TPGS2: variants seen among roughly 807,000 people sequenced by gnomAD.
The protein encoded by TPGS2 is polyglutamylase subunit 2.
In TPGS2, 26 loss-of-function variants were observed where a neutral mutation model predicts 31.1. The observed-to-expected ratio is 0.84, with a 90% CI of 0.61 to 1.16. The LOEUF is 1.16. TPGS2 is among the 50% of genes most tolerant of loss of function. The pLI is 0.00. For missense variants in TPGS2, 351 were observed against 363.8 expected (o/e 0.96, Z 0.29); for synonymous variants, 130 against 136.6 (o/e 0.95, Z 0.34).
At chr18:36,782,011 T>C (rs1175269243), downstream of TPGS2, 29 of 901,132 alleles carry the variant, frequency 3.2e-5, no homozygotes, top group Non-Finnish European at 3.7e-5. Flanking sequence ...GGTTTAATAG[T>C]TTGTGAGAGT....
At chr18:36,783,076 C>T (rs745324935) in exon 7 of TPGS2, 41 of 398,396 alleles carry the variant, frequency 1.0e-4, no homozygotes, top group Non-Finnish European at 1.8e-4. Context: ...TGTTCTTCCT[C>T]TTGGATTATT....
At position 36,796,938 on chromosome 18, in the gene TPGS2, T is replaced by G. The variant is rs755283145; in HGVS notation, c.770A>C (p.Lys257Thr). Residue 257 changes from lysine (K) to threonine (T), a missense_variant, in exon 7 of 7, where the codon AAG becomes ACG. Physicochemically the swap from Lys to Thr is moderately conservative, Grantham distance 78. Transcript: ENST00000334295. ...DPSKVFKSKN[K>T]IVIPKKKGPV... ...CCCTTTCTTTTTTGGGATTACGATC[T>G]TGTTCTTGCTCTTAAACACTTTGCT... 6.2e-7 allele frequency: 1 copy of G among 1,607,758 alleles called. No homozygotes were observed. Among genetic ancestry groups the G allele is most frequent in the African/African-American group, 1.3e-5 (1 of 74,598 alleles).
At chr18:36,781,709 G>T (rs79578976), downstream of TPGS2, 2,758 of 946,096 alleles carry the variant, frequency 2.9e-3, 54 homozygotes, top group African/African-American at 0.046. Flanking sequence ...TATAGGCAAT[G>T]TGCAGTAGCA....
Position 36,828,987 on chromosome 18 carries a change from G to T in TPGS2, c.-220C>A. ...GTGCCCCACACCGCACCTCCGGGAC[G>T]TAGCTTCCCCTTCGCCCCCACCCTC... On this transcript the variant is annotated 5_prime_UTR_variant, in exon 1 of 7. Coordinates refer to ENST00000334295, the MANE Select transcript of TPGS2 (RefSeq NM_015476.4). The T allele has an allele frequency of 9.2e-7, 1 of 1,092,616 alleles. No individual in the cohort carries two copies. 67.7% of individuals were successfully genotyped at this position (1,092,616 alleles called of 1,614,324 possible). A position where few individuals can be genotyped will look rare whatever the true frequency, so the allele number is the denominator to read the frequency against.
Position 36,795,003 on chromosome 18 carries a change from ACT to A in TPGS2, c.*1800_*1801del. 1.0e-6 allele frequency: 1 copy of A among 985,304 alleles called. No individual in the cohort carries two copies. Among genetic ancestry groups the A allele is most frequent in the Non-Finnish European group, 1.2e-6 (1 of 829,930 alleles). The allele number at this position is 985,304 out of a possible 1,614,324, so 61.0% of individuals were successfully genotyped here. On this transcript the variant is annotated 3_prime_UTR_variant, in exon 7 of 7. Coordinates refer to ENST00000334295, the MANE Select transcript of TPGS2 (RefSeq NM_015476.4). ...CGAAGCTCAGTTTATGCTCCCAAAG[ACT>A]CTTAAGCGCTGATATTTCAAGACTT...
rs941743011 is a variant in TPGS2 at position 36,796,738 on chromosome 18, C to T, written c.*67G>A. The stretch of plus-strand genomic sequence containing the variant: ...GGTCCACACGCAAAACTGGAGGTCA[C>T]CCCTAGGGCCATCTGTGCATGGAAA... On this transcript the variant is annotated 3_prime_UTR_variant, in exon 7 of 7. Coordinates refer to ENST00000334295, the MANE Select transcript of TPGS2 (RefSeq NM_015476.4). 5 of 1,559,138 alleles carry T rather than the reference C, an allele frequency of 3.2e-6. No individual in the cohort carries two copies. The highest frequency in any genetic ancestry group is 4.5e-5 in the East Asian group (2 of 44,326).
rs868442109 is a variant in TPGS2 at position 36,794,325 on chromosome 18, A to G, written c.*2480T>C. ...GAGTCAGTCCTGCTCTTCCCTGCTC[A>G]CTCCTTCTGAGGCAGGTCTTGAGCC... On this transcript the variant is annotated 3_prime_UTR_variant, in exon 7 of 7. Transcript: ENST00000334295. 1.0e-6 allele frequency: 1 copy of G among 985,106 alleles called. No individual in the cohort carries two copies. Among genetic ancestry groups the G allele is most frequent in the African/African-American group, 1.7e-5 (1 of 57,216 alleles). The allele number at this position is 985,106 out of a possible 1,614,324, so 61.0% of individuals were successfully genotyped here. A position where few individuals can be genotyped will look rare whatever the true frequency, so the allele number is the denominator to read the frequency against.
intron 5 of TPGS2, among the ~76,000 whole-genome samples, chr18:36,799,940 T>A (rs1423731338): frequency 6.6e-6 from 1 of 152,226 alleles, no homozygotes; most frequent in Non-Finnish European, 1.5e-5. Flanking sequence ...CTATTTCTTT[T>A]AGTTTTTACT....
intron 6 of TPGS2, chr18:36,798,028 T>C: frequency 2.6e-6 from 1 of 386,424 alleles, no homozygotes; most frequent in Non-Finnish European, 3.7e-6. Flanking sequence ...TGTGCATGCA[T>C]GCTTTATGTG....
At chr18:36,782,545 A>G (rs1277435233), downstream of TPGS2, among the ~76,000 whole-genome samples, 2 of 152,150 alleles carry the variant, frequency 1.3e-5, no homozygotes, top group East Asian at 1.9e-4. Flanking sequence ...TAATGTGAAG[A>G]TAGGTTTGGA....
chr18:36,794,487 T>C lies in TPGS2; in HGVS notation c.*2318A>G, dbSNP rs2044429636. On this transcript the variant is annotated 3_prime_UTR_variant, in exon 7 of 7. Coordinates refer to ENST00000334295, the MANE Select transcript of TPGS2 (RefSeq NM_015476.4). ...GAATCCAGGGCTGATTTAGAAATGC[T>C]GTGATTCGGGGGATCTCCAAGTACT... is the stretch of plus-strand genomic sequence containing the variant. 3 of 985,350 alleles carry C rather than the reference T, an allele frequency of 3.0e-6. No individual in the cohort carries two copies. The highest frequency in any genetic ancestry group is 1.7e-5 in the African/African-American group (1 of 57,240). The allele number at this position is 985,350 out of a possible 1,614,324, so 61.0% of individuals were successfully genotyped here. A position where few individuals can be genotyped will look rare whatever the true frequency, so the allele number is the denominator to read the frequency against.
chr18:36,787,911 A>C (rs1600717935), intron 6 of TPGS2, among the ~76,000 whole-genome samples: 1 of 152,202 alleles, frequency 6.6e-6, no homozygotes, highest in Non-Finnish European at 1.5e-5. Flanking sequence ...AATAATATTT[A>C]TGTCTTTGGA....
In TPGS2 at chr18:36,796,152, T is replaced by A. The variant is rs2044515909; in HGVS notation, c.*653A>T. On this transcript the variant is annotated 3_prime_UTR_variant, in exon 7 of 7. Coordinates refer to ENST00000334295, the MANE Select transcript of TPGS2 (RefSeq NM_015476.4). ...TTTGTGGTAAGGGATACAAAGAACA[T>A]ACAATTGTGTACTTGAGAGGTTTCA... 1 of 985,194 alleles carries A rather than the reference T, an allele frequency of 1.0e-6. No individual in the cohort carries two copies. The highest frequency in any genetic ancestry group is 6.2e-5 in the Admixed American group (1 of 16,254). The allele number at this position is 985,194 out of a possible 1,614,324, so 61.0% of individuals were successfully genotyped here. A position where few individuals can be genotyped will look rare whatever the true frequency, so the allele number is the denominator to read the frequency against.
chr18:36,787,499 C>G (rs2044165368), intron 6 of TPGS2, among the ~76,000 whole-genome samples: 3 of 152,086 alleles, frequency 2.0e-5, no homozygotes, highest in Admixed American at 2.0e-4. Context: ...TGTCATGTAC[C>G]CAAGGGAATA....
At chr18:36,781,584 G>A (rs72883550), downstream of TPGS2, among the ~76,000 whole-genome samples, 17,493 of 152,094 alleles carry the variant, frequency 0.12, 1,295 homozygotes, top group Admixed American at 0.16. Context: ...TCAGGGAGTC[G>A]GAGGTTGCAG....
intron 1 of TPGS2, among the ~76,000 whole-genome samples, chr18:36,824,184 A>G (rs1231791085): frequency 6.6e-6 from 1 of 152,238 alleles, no homozygotes. Flanking sequence ...TCCATGTTGT[A>G]GGATCAGTAC....
chr18:36,808,647 A>G (rs2150615534), intron 2 of TPGS2, among the ~76,000 whole-genome samples: 1 of 152,268 alleles, frequency 6.6e-6, no homozygotes, highest in South Asian at 2.1e-4. Flanking sequence ...CAAAAAAAAA[A>G]CAAAGTGAAG....
At chr18:36,816,624 G>A (rs941206689) in intron 2 of TPGS2, among the ~76,000 whole-genome samples, 4 of 152,012 alleles carry the variant, frequency 2.6e-5, no homozygotes, top group Non-Finnish European at 4.4e-5. Flanking sequence ...TTTTTTGGGG[G>A]TGGGGACAGA....
chr18:36,798,498 G>A lies in TPGS2; in HGVS notation c.608C>T (p.Pro203Leu), dbSNP rs1431696066. ...YRLLITHLGL[P>L]QWQYAFTSYG... The stretch of plus-strand genomic sequence containing the variant: ...GCTGGTGAAGGCATATTGCCACTGG[G>A]GCAGGCCCAGGTGGGTGATGAGCAG... Residue 203 changes from proline (P) to leucine (L), a missense_variant, in exon 6 of 7, where the codon CCC (proline) becomes CTC (leucine). Physicochemically the swap from Pro to Leu is moderately conservative, Grantham distance 98. Transcript: ENST00000334295. 6.2e-7 allele frequency: 1 copy of A among 1,614,216 alleles called. No homozygotes were observed. Among genetic ancestry groups the A allele is most frequent in the South Asian group, 1.1e-5 (1 of 91,086 alleles).
Sources: gnomAD v4.1 joint callset for allele counts (sites outside exome capture counted in the v4.1 genomes callset) on GRCh38, gnomAD v4.1.1 for gene constraint, MANE v1.5 for transcripts, NCBI Gene and HGNC (gene_info 2026-07-23, HGNC 2026-07-21) for gene names.